Variants in RBFOX1 observed in about 807,000 individuals in gnomAD.
RBFOX1 encodes RNA binding fox-1 homolog 1.
In RBFOX1, 8 loss-of-function variants were observed where a neutral mutation model predicts 57.7. That is an observed-to-expected ratio of 0.14 (90% confidence interval 0.08 to 0.25). The LOEUF (loss-of-function observed/expected upper bound fraction) is 0.25. Among genes scored for constraint, RBFOX1 ranks in the 10% least tolerant of loss-of-function variants. The pLI is 1.00. For synonymous variants in RBFOX1, 326 were observed against 222.4 expected, an observed-to-expected ratio of 1.47 and a Z score of -4.15; for missense variants, 611 against 548.5, an observed-to-expected ratio of 1.11 and a Z score of -1.14.
chr16:6,671,883 C>T (rs1252951085), intron 3 of RBFOX1, among the ~76,000 whole-genome samples: 6 of 152,218 alleles, frequency 3.9e-5, no homozygotes, highest in Admixed American at 3.3e-4. Flanking sequence ...TGCCATTTTA[C>T]ATTCACACTG....
chr16:7,499,003 C>G (rs2069687971), intron 4 of RBFOX1, among the ~76,000 whole-genome samples: 1 of 152,172 alleles, frequency 6.6e-6, no homozygotes, highest in Non-Finnish European at 1.5e-5. Context: ...ATGAAGTAGA[C>G]AGTGACATCA....
At chr16:6,167,086 G>C (rs2096923556) in intron 1 of RBFOX1, among the ~76,000 whole-genome samples, 2 of 152,126 alleles carry the variant, frequency 1.3e-5, no homozygotes, top group South Asian at 4.1e-4. Context: ...CCTGTGTTTT[G>C]GGAGTCAAGG....
At chr16:6,977,023 G>GTATCATATA (rs200093418) in intron 3 of RBFOX1, among the ~76,000 whole-genome samples, 3 of 140,868 alleles carry the variant, frequency 2.1e-5, no homozygotes, top group Admixed American at 1.5e-4. Flanking sequence ...TATGTATCAT[G>GTATCATATA]TATCATATAT....
chr16:7,404,757 C>T (rs748124836), intron 4 of RBFOX1, among the ~76,000 whole-genome samples: 10 of 152,140 alleles, frequency 6.6e-5, no homozygotes, highest in Non-Finnish European at 7.3e-5. Context: ...TTATCTGATT[C>T]CTTGTTGTCA....
intron 3 of RBFOX1, among the ~76,000 whole-genome samples, chr16:6,878,961 G>A (rs34107560): frequency 2.0e-5 from 3 of 151,902 alleles, no homozygotes; most frequent in Admixed American, 6.6e-5. Context: ...AATTAAAACT[G>A]AGATAAATAA....
chr16:6,222,384 A>C (rs1411901830), intron 1 of RBFOX1, among the ~76,000 whole-genome samples: 1 of 152,064 alleles, frequency 6.6e-6, no homozygotes, highest in Non-Finnish European at 1.5e-5. Flanking sequence ...CATAACAAAA[A>C]GGGTTAGACA....
intron 1 of RBFOX1, among the ~76,000 whole-genome samples, chr16:5,264,907 A>T (rs909505634): frequency 6.6e-6 from 1 of 152,182 alleles, no homozygotes; most frequent in African/African-American, 2.4e-5. Context: ...AGCATAAGTG[A>T]GAAAAACAAC....
intron 5 of RBFOX1, among the ~76,000 whole-genome samples, chr16:7,557,190 C>T (rs940407671): frequency 1.6e-4 from 24 of 152,196 alleles, no homozygotes; most frequent in East Asian, 1.9e-4. Flanking sequence ...ACTCATGGGG[C>T]CGGGTCTCGA....
In RBFOX1 at chr16:7,270,788, CTT is replaced by C. The variant is rs576425766; in HGVS notation, c.27+218691_27+218692del. Among the ~76,000 whole-genome samples, 591 of 152,310 alleles carry C rather than the reference CTT, an allele frequency of 3.9e-3. 1 individual carries two copies. Among genetic ancestry groups the C allele is most frequent in the African/African-American group, 0.013 (555 of 41,572 alleles). ...TTGCATCTGTTAGCTGGCTAGCTCT[CTT>C]CTTCCTTCCCTATCAACTTTCCCCG... On this transcript the variant is annotated intron_variant, in intron 4 of 15. Transcript: ENST00000550418.
chr16:5,540,843 G>C (rs1458461339), intron 2 of RBFOX1, among the ~76,000 whole-genome samples: 1 of 152,080 alleles, frequency 6.6e-6, no homozygotes, highest in Non-Finnish European at 1.5e-5. Context: ...TGAATCTGCA[G>C]TTTTTTAAAT....
intron 4 of RBFOX1, among the ~76,000 whole-genome samples, chr16:7,094,908 C>G (rs1021732470): frequency 1.3e-5 from 2 of 152,024 alleles, no homozygotes; most frequent in Middle Eastern, 3.4e-3. Context: ...GACTTTTGCC[C>G]CGTCTCTTAA....
intron 4 of RBFOX1, among the ~76,000 whole-genome samples, chr16:7,089,085 C>A (rs928516222): frequency 2.0e-5 from 3 of 152,170 alleles, no homozygotes; most frequent in African/African-American, 7.2e-5. Flanking sequence ...ACACCCTTGC[C>A]CCCTTTCTTT....
intron 3 of RBFOX1, among the ~76,000 whole-genome samples, chr16:5,792,212 G>A (rs1265454713): frequency 6.6e-6 from 1 of 152,162 alleles, no homozygotes; most frequent in South Asian, 2.1e-4. Flanking sequence ...TATGCTGCTG[G>A]CACTGAATGG....
At chr16:6,632,835 C>T (rs2098401128) in intron 2 of RBFOX1, among the ~76,000 whole-genome samples, 1 of 152,178 alleles carries the variant, frequency 6.6e-6, no homozygotes, top group Non-Finnish European at 1.5e-5. Context: ...ACTGGAGCTG[C>T]TCTCTTTTCT....
At chr16:5,688,427 C>G (rs577151103) in intron 3 of RBFOX1, among the ~76,000 whole-genome samples, 3 of 152,234 alleles carry the variant, frequency 2.0e-5, no homozygotes, top group South Asian at 4.1e-4. Context: ...AGCTAGTTAC[C>G]CTCATGTTGC....
rs540736060 is a variant in RBFOX1 at position 5,867,271 on chromosome 16, A to C, written c.319-32A>C. The C allele has an allele frequency of 2.7e-4, 320 of 1,168,162 alleles. No homozygotes were observed. In the African/African-American group the frequency reaches 4.6e-3, roughly 17 times the overall value. 72.4% of individuals were successfully genotyped at this position (1,168,162 alleles called of 1,614,324 possible). The stretch of plus-strand genomic sequence containing the variant: ...AATCCAATTACCTTCTTGTTGAATC[A>C]ATACTAATGTCTTTTTTTGTTTAAC... On this transcript the variant is annotated intron_variant, in intron 3 of 19. Coordinates refer to the RBFOX1 transcript ENST00000641259.
chr16:6,377,109 CAA>C (rs374326197), intron 2 of RBFOX1, among the ~76,000 whole-genome samples: 12 of 150,074 alleles, frequency 8.0e-5, no homozygotes, highest in African/African-American at 2.9e-4. Context: ...TCCATCCCTA[CAA>C]AAAAAAATTA....
At chr16:6,992,309 C>G (rs754123591) in intron 3 of RBFOX1, among the ~76,000 whole-genome samples, 62 of 152,000 alleles carry the variant, frequency 4.1e-4, no homozygotes, top group Admixed American at 9.2e-4. Context: ...CCTCTGCCTC[C>G]CAGGTTCAAG....
At chr16:7,086,240 C>T (rs1228801239) in intron 4 of RBFOX1, among the ~76,000 whole-genome samples, 1 of 152,108 alleles carries the variant, frequency 6.6e-6, no homozygotes, top group Admixed American at 6.6e-5. Flanking sequence ...TTGCCATGCG[C>T]AGTTGTAGGT....
Sources: allele counts gnomAD v4.1 joint callset (sites outside exome capture counted in the v4.1 genomes callset), GRCh38; gene constraint gnomAD v4.1.1; transcripts MANE v1.5; gene names NCBI Gene and HGNC (gene_info 2026-07-23, HGNC 2026-07-21).